The following WWOX variants were observed in gnomAD, a reference collection of about 807,000 sequenced individuals.
The protein encoded by WWOX is WW domain containing oxidoreductase, also known as WW domain-containing oxidoreductase.
WWOX carries 69 observed loss-of-function variants against 46.2 expected under a neutral mutation model. The observed-to-expected ratio is 1.49, with a 90% confidence interval of 1.23 to 1.82. The LOEUF (loss-of-function observed/expected upper bound fraction) is 1.82, where lower values mean the gene tolerates loss of function less well. Ranked by LOEUF, WWOX falls within the 40% of genes most tolerant of loss-of-function variation. WWOX has a pLI of 0.00. For synonymous variants in WWOX, 359 were observed against 202.6 expected (o/e 1.77, Z -6.56); for missense variants, 919 against 542.6 (o/e 1.69, Z -6.89).
intron 8 of WWOX, among the ~76,000 whole-genome samples, chr16:78,994,846 C>T (rs2046955520): frequency 6.6e-6 from 1 of 151,854 alleles, no homozygotes; most frequent in African/African-American, 2.4e-5. Context: ...GGGCTCTTTT[C>T]AGGAGCTGTG....
At chr16:78,490,693 A>C (rs2084760974) in intron 8 of WWOX, among the ~76,000 whole-genome samples, 1 of 152,182 alleles carries the variant, frequency 6.6e-6, no homozygotes, top group Non-Finnish European at 1.5e-5. Context: ...TTTGGCCCTC[A>C]GTTCTCCGTC....
At chr16:78,957,541 A>C (rs2046192182) in intron 8 of WWOX, among the ~76,000 whole-genome samples, 1 of 152,034 alleles carries the variant, frequency 6.6e-6, no homozygotes, top group African/African-American at 2.4e-5. Context: ...ACTGCTGCAC[A>C]CCTTTAATCT....
intron 8 of WWOX, among the ~76,000 whole-genome samples, chr16:79,182,811 C>CTG (rs914196786): frequency 3.3e-5 from 5 of 152,102 alleles, no homozygotes; most frequent in Admixed American, 1.3e-4. Flanking sequence ...AGAACGAGCA[C>CTG]TGTGTGTGTG....
At chr16:79,109,218 C>G (rs1597383798) in intron 8 of WWOX, among the ~76,000 whole-genome samples, 3 of 152,300 alleles carry the variant, frequency 2.0e-5, no homozygotes, top group Admixed American at 2.0e-4. Context: ...ATTCCTTTGT[C>G]CCTTTTGCCG....
At chr16:79,050,098 C>G (rs115393791) in intron 8 of WWOX, among the ~76,000 whole-genome samples, 3,895 of 152,226 alleles carry the variant, frequency 0.026, 179 homozygotes, top group African/African-American at 0.089. Context: ...GACTTGGTTG[C>G]TGCTGCTGCG....
chr16:78,243,228 A>C (rs1025328998), intron 5 of WWOX, among the ~76,000 whole-genome samples: 2 of 152,212 alleles, frequency 1.3e-5, no homozygotes, highest in Admixed American at 1.3e-4. Flanking sequence ...ACATTAAATC[A>C]CAAGAGGTAA....
intron 8 of WWOX, among the ~76,000 whole-genome samples, chr16:78,930,146 A>C (rs2045586966): frequency 6.6e-6 from 1 of 151,742 alleles, no homozygotes; most frequent in Admixed American, 6.6e-5. Context: ...CAATATTGTG[A>C]ATGGAAATGG....
At chr16:78,661,067 A>C (rs1274640898) in intron 8 of WWOX, among the ~76,000 whole-genome samples, 1 of 152,214 alleles carries the variant, frequency 6.6e-6, no homozygotes, top group Non-Finnish European at 1.5e-5. Flanking sequence ...GGTCTGCTTG[A>C]GCAAGGATAT....
intron 8 of WWOX, among the ~76,000 whole-genome samples, chr16:78,676,248 G>A (rs533904092): frequency 2.6e-5 from 4 of 151,758 alleles, no homozygotes; most frequent in Non-Finnish European, 5.9e-5. Flanking sequence ...TCTCTACAGA[G>A]TCCGAAACAA....
intron 8 of WWOX, among the ~76,000 whole-genome samples, chr16:78,772,029 A>G (rs927313087): frequency 6.6e-5 from 10 of 152,054 alleles, no homozygotes; most frequent in Non-Finnish European, 1.0e-4. Flanking sequence ...TGTTAATTGG[A>G]CCTGTAATTC....
intron 5 of WWOX, among the ~76,000 whole-genome samples, chr16:78,293,083 G>A (rs537441248): frequency 2.0e-5 from 3 of 152,152 alleles, no homozygotes; most frequent in South Asian, 2.1e-4. Flanking sequence ...CCTTTCTTTC[G>A]CCTCTCTACT....
At chr16:78,927,167 T>C (rs2045517443) in intron 8 of WWOX, among the ~76,000 whole-genome samples, 1 of 152,224 alleles carries the variant, frequency 6.6e-6, no homozygotes, top group Non-Finnish European at 1.5e-5. Context: ...CTGTATAAAA[T>C]GGACCTTGTT....
intron 8 of WWOX, among the ~76,000 whole-genome samples, chr16:78,519,154 C>T (rs993899397): frequency 3.3e-5 from 5 of 152,092 alleles, no homozygotes; most frequent in African/African-American, 9.7e-5. Flanking sequence ...GACTTGTGGC[C>T]CCCGGCCTCA....
intron 8 of WWOX, among the ~76,000 whole-genome samples, chr16:78,802,315 T>G (rs2050912018): frequency 6.7e-6 from 1 of 149,668 alleles, no homozygotes; most frequent in East Asian, 2.0e-4. Context: ...AGCAATGCTA[T>G]AGGACACAGA....
At chr16:78,702,056 G>A (rs1423221127) in intron 8 of WWOX, among the ~76,000 whole-genome samples, 1 of 92,510 alleles carries the variant, frequency 1.1e-5, no homozygotes, top group Non-Finnish European at 2.1e-5. Context: ...AAATAATGCA[G>A]AAGTTTTATA....
At chr16:78,166,460 G>A (rs1269353213) in intron 5 of WWOX, among the ~76,000 whole-genome samples, 2 of 152,178 alleles carry the variant, frequency 1.3e-5, no homozygotes, top group Non-Finnish European at 2.9e-5. Flanking sequence ...AATGCCTGGG[G>A]CAGAATCTTA....
chr16:78,137,823 C>G (rs959209239), intron 4 of WWOX, among the ~76,000 whole-genome samples: 14 of 136,894 alleles, frequency 1.0e-4, no homozygotes, highest in African/African-American at 3.5e-4. Context: ...AGCTATGGCT[C>G]TATGTGCTGT....
At chr16:78,605,591 C>T (rs2045737112) in intron 8 of WWOX, among the ~76,000 whole-genome samples, 1 of 152,132 alleles carries the variant, frequency 6.6e-6, no homozygotes, top group Non-Finnish European at 1.5e-5. Flanking sequence ...CCTGCCCTTT[C>T]TAGAGCAACC....
At chr16:78,612,627 A>G (rs1010534705) in intron 8 of WWOX, among the ~76,000 whole-genome samples, 12 of 152,100 alleles carry the variant, frequency 7.9e-5, no homozygotes, top group Non-Finnish European at 7.4e-5. Flanking sequence ...GTGCACTACC[A>G]CACCTGGCTA....
Sources: gnomAD v4.1 joint callset for allele counts (sites outside exome capture counted in the v4.1 genomes callset) on GRCh38, gnomAD v4.1.1 for gene constraint, MANE v1.5 for transcripts, NCBI Gene and HGNC (gene_info 2026-07-23, HGNC 2026-07-21) for gene names.